Variants in NWD2 observed in about 807,000 individuals in gnomAD.
NWD2 encodes the protein NACHT and WD repeat domain containing 2.
A neutral mutation model predicts 132.7 loss-of-function variants in NWD2; 37 were observed. That is an observed-to-expected ratio of 0.28 (90% CI 0.21 to 0.37). The LOEUF is 0.37. Ranked by LOEUF, NWD2 falls within the 10% of genes least tolerant of loss-of-function variation. The pLI is 1.00. For synonymous variants in NWD2, 705 were observed against 803.0 expected, an observed-to-expected ratio of 0.88 and a Z score of 2.06; for missense variants, 1,592 against 2,122.4, an observed-to-expected ratio of 0.75 and a Z score of 4.91.
At chr4:37,300,999 A>C in intron 1 of NWD2, among the ~76,000 whole-genome samples, 1 of 152,080 alleles carries the variant, frequency 6.6e-6, no homozygotes, top group Non-Finnish European at 1.5e-5. Context: ...CATTTGAGAT[A>C]ATTTTTCTTC....
At chr4:37,379,602 AAT>A (rs530726456) in intron 3 of NWD2, among the ~76,000 whole-genome samples, 95 of 152,226 alleles carry the variant, frequency 6.2e-4, no homozygotes, top group African/African-American at 2.3e-3. Context: ...TGAGACACGG[AAT>A]TGTGGAGCAG....
At chr4:37,357,187 A>G (rs1719887015) in intron 3 of NWD2, among the ~76,000 whole-genome samples, 2 of 146,800 alleles carry the variant, frequency 1.4e-5, no homozygotes, top group Admixed American at 1.3e-4. Flanking sequence ...ATTCAAACAG[A>G]TCCTACCAAT....
intron 3 of NWD2, among the ~76,000 whole-genome samples, chr4:37,400,119 A>G (rs1168977542): frequency 6.6e-6 from 1 of 152,234 alleles, no homozygotes; most frequent in African/African-American, 2.4e-5. Flanking sequence ...AAACAGATAC[A>G]TATGGGTAAA....
At position 37,439,670 on chromosome 4, in the gene NWD2, C is replaced by G. The variant is rs1216291671; in HGVS notation, c.1296+280C>G. Among the ~76,000 whole-genome samples the G allele has an allele frequency of 6.6e-6, 1 of 152,154 alleles. No homozygotes were observed. Among genetic ancestry groups the G allele is most frequent in the African/African-American group, 2.4e-5 (1 of 41,414 alleles). Reference sequence around the variant, plus strand: ...TCCCTCACCCCATTTGGATGAAAACCCAGGCCAATCTCAATAACTGTTCTC... The same window carrying G: ...TCCCTCACCCCATTTGGATGAAAACGCAGGCCAATCTCAATAACTGTTCTC... On this transcript the variant is annotated intron_variant, in intron 6 of 6. Coordinates refer to ENST00000309447, the MANE Select transcript of NWD2 (RefSeq NM_001144990.2). This position sits in a 1 kb window ranked among gnomAD's most constrained non-coding sequence, Gnocchi z 4.5.
At chr4:37,378,238 A>T (rs1264694110) in intron 3 of NWD2, among the ~76,000 whole-genome samples, 3 of 151,540 alleles carry the variant, frequency 2.0e-5, no homozygotes, top group African/African-American at 4.9e-5. Context: ...ACTGGCTTTG[A>T]TTTGGAAAAC....
intron 3 of NWD2, among the ~76,000 whole-genome samples, chr4:37,363,098 C>A (rs918480753): frequency 6.6e-6 from 1 of 152,156 alleles, no homozygotes; most frequent in African/African-American, 2.4e-5. Context: ...ATCAAAACCA[C>A]AATGAGATAT....
At chr4:37,441,621 C>G (rs770727150) in intron 6 of NWD2, among the ~76,000 whole-genome samples, 1 of 152,212 alleles carries the variant, frequency 6.6e-6, no homozygotes, top group Non-Finnish European at 1.5e-5. Context: ...GTTTAAGGAA[C>G]AGCTTTCTGA....
intron 1 of NWD2, among the ~76,000 whole-genome samples, chr4:37,283,011 A>G (rs533165404): frequency 6.6e-6 from 1 of 152,312 alleles, no homozygotes; most frequent in Admixed American, 6.5e-5. Context: ...CCTCAAGGTC[A>G]TAAAGCTGGT....
At chr4:37,264,756 A>C (rs1717713808) in intron 1 of NWD2, among the ~76,000 whole-genome samples, 1 of 151,416 alleles carries the variant, frequency 6.6e-6, no homozygotes, top group South Asian at 2.1e-4. Flanking sequence ...TTATGTAAAC[A>C]TTTAATTTTC....
intron 2 of NWD2, among the ~76,000 whole-genome samples, chr4:37,342,873 A>G (rs914870784): frequency 6.6e-6 from 1 of 152,174 alleles, no homozygotes; most frequent in African/African-American, 2.4e-5. Context: ...GTGATCGTGT[A>G]TGACACCAGG....
At chr4:37,379,919 A>G (rs1216977564) in intron 3 of NWD2, among the ~76,000 whole-genome samples, 2 of 152,218 alleles carry the variant, frequency 1.3e-5, no homozygotes, top group Non-Finnish European at 2.9e-5. Flanking sequence ...TCAGATATAT[A>G]TATATTACAT....
intron 1 of NWD2, among the ~76,000 whole-genome samples, chr4:37,269,387 TATGAG>T (rs1178458563): frequency 6.6e-6 from 1 of 151,890 alleles, no homozygotes; most frequent in East Asian, 1.9e-4. Context: ...ATAATCTTTT[TATGAG>T]ATAAGATTTA....
chr4:37,363,717 C>T (rs985473431), intron 3 of NWD2, among the ~76,000 whole-genome samples: 2 of 152,158 alleles, frequency 1.3e-5, no homozygotes, highest in African/African-American at 4.8e-5. Flanking sequence ...CTATGCTGAG[C>T]ACCTGGGTGA....
intron 1 of NWD2, among the ~76,000 whole-genome samples, chr4:37,322,834 G>A (rs1331906198): frequency 2.6e-5 from 4 of 152,070 alleles, no homozygotes; most frequent in African/African-American, 9.7e-5. Context: ...CTTGGAGGGT[G>A]TATTATAGAA....
chr4:37,276,065 A>G (rs573006626), intron 1 of NWD2, among the ~76,000 whole-genome samples: 2 of 152,310 alleles, frequency 1.3e-5, no homozygotes, highest in Admixed American at 1.3e-4. Flanking sequence ...TAAAACACCA[A>G]AAGCAATGGC....
intron 4 of NWD2, among the ~76,000 whole-genome samples, chr4:37,433,416 T>G (rs992089855): frequency 2.6e-5 from 4 of 152,200 alleles, no homozygotes; most frequent in Non-Finnish European, 5.9e-5. Context: ...TGAATAAGAT[T>G]ATCAAGACTA....
chr4:37,442,705 ATAAAATTATCT>A, intron 6 of NWD2, among the ~76,000 whole-genome samples: 1 of 152,302 alleles, frequency 6.6e-6, no homozygotes. Context: ...CTATAACACC[ATAAAATTATCT>A]CTAAATCATA....
At chr4:37,269,855 A>T (rs375095150) in intron 1 of NWD2, among the ~76,000 whole-genome samples, 15 of 151,802 alleles carry the variant, frequency 9.9e-5, no homozygotes, top group African/African-American at 3.6e-4. Flanking sequence ...TTCACTTGTT[A>T]ATTAAATACC....
At chr4:37,431,293 A>G (rs1290061998) in intron 4 of NWD2, among the ~76,000 whole-genome samples, 2 of 152,178 alleles carry the variant, frequency 1.3e-5, no homozygotes, top group Non-Finnish European at 2.9e-5. Context: ...GTAGAAGGAA[A>G]TTAAGGAACA....
Sources: gnomAD v4.1 joint callset for allele counts (sites outside exome capture counted in the v4.1 genomes callset) on GRCh38, gnomAD v4.1.1 for gene constraint, Gnocchi (gnomAD v3.1) non-coding constraint, MANE v1.5 for transcripts, NCBI Gene and HGNC (gene_info 2026-07-23, HGNC 2026-07-21) for gene names.